ADAMTS4: variants seen among roughly 807,000 people sequenced by gnomAD.
The protein encoded by ADAMTS4 is A disintegrin and metalloproteinase with thrombospondin motifs 4.
In ADAMTS4, 38 loss-of-function variants were observed where a neutral mutation model predicts 66.7. The observed-to-expected ratio is 0.57, with a 90% CI of 0.44 to 0.75. ADAMTS4 has a LOEUF of 0.75. Among genes scored for constraint, ADAMTS4 ranks in the 30% least tolerant of loss-of-function variants. The pLI is 0.00. For synonymous variants in ADAMTS4, 418 were observed against 461.5 expected, an observed-to-expected ratio of 0.91 and a Z score of 1.21; for missense variants, 1,014 against 1,116.7, an observed-to-expected ratio of 0.91 and a Z score of 1.31.
chr1:161,198,509 A>G lies in ADAMTS4; in HGVS notation c.119T>C (p.Leu40Pro). ...PLSWLVWLLLLLLASLLPSAR... is the reference protein window; with the variant it reads ...PLSWLVWLLLPLLASLLPSAR... ...TGAGGGCAGGAGAGAGGCCAGCAGT[A>G]GCAGAAGCAGCCACACCAGCCAGGA... The change falls in exon 1 of 9, where the codon CTA (leucine) becomes CCA (proline). Residue 40 changes from leucine (L) to proline (P), a missense_variant. Physicochemically the swap from Leu to Pro is moderately conservative, Grantham distance 98. Transcript: ENST00000367996. The surrounding 1 kb of genome is among the most constrained non-coding windows in gnomAD (Gnocchi z 4.7). 6.4e-7 allele frequency: 1 copy of G among 1,566,250 alleles called. No individual in the cohort carries two copies. Among genetic ancestry groups the G allele is most frequent in the Non-Finnish European group, 8.7e-7 (1 of 1,155,958 alleles).
chr1:161,193,669 C>G lies in ADAMTS4; in HGVS notation c.1706G>C (p.Cys569Ser), dbSNP rs1272676091. 1 of 1,613,018 alleles carries G rather than the reference C, an allele frequency of 6.2e-7. No homozygotes were observed. The highest frequency in any genetic ancestry group is 8.5e-7 in the Non-Finnish European group (1 of 1,179,432). ...CEGRRTRFRS[C>S]NTEDCPTGSA... is the part of the protein sequence containing the mutation. Reference sequence around the variant, plus strand: ...GCCAGTTGGGCAGTCCTCAGTGTTGCAGGAGCGGAAGCGGGTACGGCGGCC... The same window carrying G: ...GCCAGTTGGGCAGTCCTCAGTGTTGGAGGAGCGGAAGCGGGTACGGCGGCC... The change falls in exon 6 of 9, where the codon TGC becomes TCC. Residue 569 changes from cysteine to serine, a missense_variant. Cys to Ser is a moderately radical substitution (Grantham distance 112). Coordinates refer to ENST00000367996, the MANE Select transcript of ADAMTS4 (RefSeq NM_005099.6). The surrounding 1 kb of genome is among the most constrained non-coding windows in gnomAD (Gnocchi z 4.4).
Position 161,194,777 on chromosome 1 carries a change from T to G in ADAMTS4, c.1262-556A>C, listed in dbSNP as rs931590463. The stretch of plus-strand genomic sequence containing the variant: ...TAAATGCTTGACCAGCACTATTTAA[T>G]CATGGCAAATACCTATGAGATAGGT... On this transcript the variant is annotated intron_variant, in intron 4 of 8. Transcript: ENST00000367996. This position sits in a 1 kb window ranked among gnomAD's most constrained non-coding sequence, Gnocchi z 4.1. Among the ~76,000 whole-genome samples the G allele has an allele frequency of 2.6e-5, 4 of 152,244 alleles. No homozygotes were observed. The highest frequency in any genetic ancestry group is 9.6e-5 in the African/African-American group (4 of 41,458).
rs1276173495 is a variant in ADAMTS4 at position 161,194,605 on chromosome 1, TCTCAAA to T, written c.1262-390_1262-385del. 1.3e-5 allele frequency among the ~76,000 whole-genome samples: 2 copies of T among 152,116 alleles called. No homozygotes were observed. The highest frequency in any genetic ancestry group is 2.9e-5 in the Non-Finnish European group (2 of 68,016). ...GGTCTTGCTATGTTGTCCAGGCTAA[TCTCAAA>T]CTCCTGGTCTCAAGCAATCCTCCCA... On this transcript the variant is annotated intron_variant, in intron 4 of 8. Transcript: ENST00000367996. This position sits in a 1 kb window ranked among gnomAD's most constrained non-coding sequence, Gnocchi z 4.1.
In ADAMTS4 at chr1:161,191,551, T is replaced by G; in HGVS notation, c.2101A>C (p.Asn701His). ...GCCCCCGCGGGGATAGTGACCACATTGTTGTATCCGTACCTGTGTGGAAGG... is the reference window on the plus strand; with the variant it reads ...GCCCCCGCGGGGATAGTGACCACATGGTTGTATCCGTACCTGTGTGGAAGG... Reference protein sequence around the residue: ...SFRKFRYGYNNVVTIPAGATH... With the variant: ...SFRKFRYGYNHVVTIPAGATH... Residue 701 changes from asparagine to histidine, a missense_variant, in exon 9 of 9, where the codon AAT (asparagine) becomes CAT (histidine). Asn to His is a moderately conservative substitution (Grantham distance 68). Coordinates refer to ENST00000367996, the MANE Select transcript of ADAMTS4 (RefSeq NM_005099.6). The G allele has an allele frequency of 6.2e-7, 1 of 1,610,902 alleles. No individual in the cohort carries two copies. The highest frequency in any genetic ancestry group is 1.1e-5 in the South Asian group (1 of 90,662).
intron 7 of ADAMTS4, 83 bp from the exon 8 acceptor site, chr1:161,192,323 C>A: frequency 7.2e-7 from 1 of 1,393,856 alleles, no homozygotes; most frequent in South Asian, 1.4e-5. Context: ...CATGTCCCAT[C>A]AGGGAAGCAA....
chr1:161,196,951 C>T (rs1664867000), intron 1 of ADAMTS4, 71 bp from the exon 2 acceptor site: 4 of 1,360,482 alleles, frequency 2.9e-6, no homozygotes, highest in Middle Eastern at 2.5e-4. Flanking sequence ...ATTCTCCAAT[C>T]CCTCACTTCC....
In ADAMTS4 at chr1:161,198,802, T is replaced by C. The variant is rs945270252; in HGVS notation, c.-175A>G. 1.7e-6 allele frequency: 1 copy of C among 601,746 alleles called. No homozygotes were observed. Among genetic ancestry groups the C allele is most frequent in the South Asian group, 2.8e-5 (1 of 35,116 alleles). The allele number at this position is 601,746 out of a possible 1,614,324, so 37.3% of individuals were successfully genotyped here. ...AAAGGAAATGGAGAAAACTTAGTCC[T>C]TGGGCTTGGGAGAGGTGCCCAGGGG... On this transcript the variant is annotated 5_prime_UTR_variant, in exon 1 of 9. Coordinates refer to ENST00000367996, the MANE Select transcript of ADAMTS4 (RefSeq NM_005099.6). This position sits in a 1 kb window ranked among gnomAD's most constrained non-coding sequence, Gnocchi z 4.7.
In ADAMTS4 at chr1:161,193,984, G is replaced by A. The variant is rs1424939453; in HGVS notation, c.1499C>T (p.Ala500Val). 2.5e-6 allele frequency: 4 copies of A among 1,609,294 alleles called. No individual in the cohort carries two copies. The highest frequency in any genetic ancestry group is 2.5e-6 in the Non-Finnish European group (3 of 1,176,744). The part of the protein sequence containing the change: ...ADGTPCGPAQ[A>V]CMGGRCLHMD... Reference sequence around the variant, plus strand: ...GTGGAGGCAGCGACCACCCATGCAGGCCTGTGCGGGCCCGCAGGGTGTGCC... The same window carrying A: ...GTGGAGGCAGCGACCACCCATGCAGACCTGTGCGGGCCCGCAGGGTGTGCC... The change falls in exon 5 of 9, where the codon GCC becomes GTC. Residue 500 changes from alanine to valine, a missense_variant. Transcript: ENST00000367996. This position sits in a 1 kb window ranked among gnomAD's most constrained non-coding sequence, Gnocchi z 4.4.
At position 161,194,323 on chromosome 1, in the gene ADAMTS4, A is replaced by T; in HGVS notation, c.1262-102T>A. 9.2e-7 allele frequency: 1 copy of T among 1,090,086 alleles called. No homozygotes were observed. The highest frequency in any genetic ancestry group is 1.3e-6 in the Non-Finnish European group (1 of 755,616). The allele number at this position is 1,090,086 out of a possible 1,614,324, so 67.5% of individuals were successfully genotyped here. ...TCCCTGGGGCCTGATGGAGCCTAGA[A>T]AAACAATCCTAGGACTATAAGAGGA... On this transcript the variant is annotated intron_variant, in intron 4 of 8. Transcript: ENST00000367996. This position sits in a 1 kb window ranked among gnomAD's most constrained non-coding sequence, Gnocchi z 4.1.
intron 7 of ADAMTS4, among the ~76,000 whole-genome samples, chr1:161,192,867 C>G (rs2102012106): frequency 6.6e-6 from 1 of 152,230 alleles, no homozygotes; most frequent in Middle Eastern, 3.4e-3. Context: ...CTGAATGAAA[C>G]CACCACTATA....
At position 161,196,167 on chromosome 1, in the gene ADAMTS4, T is replaced by C. The variant is rs1213200578; in HGVS notation, c.1090+4A>G. The C allele has an allele frequency of 1.3e-6, 2 of 1,594,942 alleles. No individual in the cohort carries two copies. The highest frequency in any genetic ancestry group is 2.7e-5 in the African/African-American group (2 of 74,080). On this transcript the variant is annotated splice_donor_region_variant and intron_variant, in intron 3 of 8. Transcript: ENST00000367996. ...AATACCTTTCTCATCCACCCCTACT[T>C]TACCCAGTTCATGAGCAGCAGTGAA...
In ADAMTS4 at chr1:161,193,724, C is replaced by A. The variant is rs555098078; in HGVS notation, c.1651G>T (p.Val551Phe). The change falls in exon 6 of 9, where the codon GTC becomes TTC. Residue 551 changes from valine to phenylalanine, a missense_variant. Transcript: ENST00000367996. The surrounding 1 kb of genome is among the most constrained non-coding windows in gnomAD (Gnocchi z 4.4). ...CAGTACTTGCCACCATTCCGGGGGA[C>A]AGGCCTCGTGCAGTCTCGGGAGGAG... ...QFSSRDCTRP[V>F]PRNGGKYCEG... The A allele has an allele frequency of 3.1e-6, 5 of 1,614,126 alleles. No individual in the cohort carries two copies. Among genetic ancestry groups the A allele is most frequent in the Non-Finnish European group, 4.2e-6 (5 of 1,180,010 alleles).
chr1:161,191,334 C>G lies in ADAMTS4; in HGVS notation c.2318G>C (p.Gly773Ala), dbSNP rs1384372265. 1 of 1,613,884 alleles carries G rather than the reference C, an allele frequency of 6.2e-7. No homozygotes were observed. The highest frequency in any genetic ancestry group is 1.3e-5 in the African/African-American group (1 of 74,948). ...CAAAGGCTGGGCCAGTGGCCCATGG[C>G]CTGACAGTGTCTCTGAGGCTGCAGT... is the stretch of plus-strand genomic sequence containing the variant. The part of the protein sequence containing the change: ...GATAASETLS[G>A]HGPLAQPLTL... The change falls in exon 9 of 9, where the codon GGC becomes GCC. Residue 773 changes from glycine to alanine, a missense_variant. By Grantham distance (60) the Gly-to-Ala change is moderately conservative. Transcript: ENST00000367996.
In ADAMTS4 at chr1:161,193,904, C is replaced by T; in HGVS notation, c.1548+31G>A. Reference sequence around the variant, plus strand: ...AAGGCCAGTCCCCACACCCCCGGGCCCTTTACCCCACCCCTGCCCTAGGAT... The same window carrying T: ...AAGGCCAGTCCCCACACCCCCGGGCTCTTTACCCCACCCCTGCCCTAGGAT... On this transcript the variant is annotated intron_variant, in intron 5 of 8. Transcript: ENST00000367996. The surrounding 1 kb of genome is among the most constrained non-coding windows in gnomAD (Gnocchi z 4.4). The T allele has an allele frequency of 6.4e-7, 1 of 1,562,882 alleles. No individual in the cohort carries two copies. Among genetic ancestry groups the T allele is most frequent in the East Asian group, 2.3e-5 (1 of 44,380 alleles).
rs563698365 is a variant in ADAMTS4, at chr1:161,192,838, G to C, written c.1911+375C>G. Among the ~76,000 whole-genome samples, 3 of 151,940 alleles carry C rather than the reference G, an allele frequency of 2.0e-5. No individual in the cohort carries two copies. In the South Asian group the frequency reaches 6.2e-4, roughly 32 times the overall value. Reference sequence around the variant, plus strand: ...CATCTCCAGGAGGCCTGTCCATTGAGGGACTGGCTGTCCAGGAGCTGAATG... The same window carrying C: ...CATCTCCAGGAGGCCTGTCCATTGACGGACTGGCTGTCCAGGAGCTGAATG... On this transcript the variant is annotated intron_variant, in intron 7 of 8. Coordinates refer to ENST00000367996, the MANE Select transcript of ADAMTS4 (RefSeq NM_005099.6).
chr1:161,194,428 C>T lies in ADAMTS4; in HGVS notation c.1262-207G>A, dbSNP rs973423965. 7.3e-5 allele frequency among the ~76,000 whole-genome samples: 11 copies of T among 150,036 alleles called. No homozygotes were observed. Among genetic ancestry groups the T allele is most frequent in the Admixed American group, 4.0e-4 (6 of 15,032 alleles). Reference sequence around the variant, plus strand: ...TTCCTGAGACAGAGTCTTGCTCTGTCGCTCAGGCTGCAGTACAGTGGCATG... The same window carrying T: ...TTCCTGAGACAGAGTCTTGCTCTGTTGCTCAGGCTGCAGTACAGTGGCATG... On this transcript the variant is annotated intron_variant, in intron 4 of 8. Coordinates refer to ENST00000367996, the MANE Select transcript of ADAMTS4 (RefSeq NM_005099.6). This position sits in a 1 kb window ranked among gnomAD's most constrained non-coding sequence, Gnocchi z 4.1.
rs1462360396 is a variant in ADAMTS4, at chr1:161,188,896, A to ATATATATATATATATATATAT, written c.*2241_*2242insATATATATATATATATATATA. On this transcript the variant is annotated 3_prime_UTR_variant, in exon 9 of 9. Transcript: ENST00000367996. ...CCATGCCCGGCTAATATATATATAT[A>ATATATATATATATATATATAT]TATATATATATATTTTGTATTTTTA... 1.3e-3 allele frequency: 173 copies of ATATATATATATATATATATAT among 128,602 alleles called. 1 individual carries two copies. The highest frequency in any genetic ancestry group is 4.8e-3 in the African/African-American group (166 of 34,864). The allele number at this position is 128,602 out of a possible 1,614,324, so 8.0% of individuals were successfully genotyped here.
Position 161,198,470 on chromosome 1 carries a change from C to G in ADAMTS4, c.158G>C (p.Ser53Thr), listed in dbSNP as rs935455809. 1 of 1,570,050 alleles carries G rather than the reference C, an allele frequency of 6.4e-7. No individual in the cohort carries two copies. The highest frequency in any genetic ancestry group is 2.4e-5 in the East Asian group (1 of 42,088). ...GATCTCCTCCTCCCGGGGGAGGGGG[C>G]TGGCCAGCCGGGCTGAGGGCAGGAG... ...ASLLPSARLA[S>T]PLPREEEIVF... is the part of the protein sequence containing the mutation. Residue 53 changes from serine to threonine, a missense_variant, in exon 1 of 9, where the codon AGC (serine) becomes ACC (threonine). Physicochemically the swap from Ser to Thr is moderately conservative, Grantham distance 58. Coordinates refer to ENST00000367996, the MANE Select transcript of ADAMTS4 (RefSeq NM_005099.6). The surrounding 1 kb of genome is among the most constrained non-coding windows in gnomAD (Gnocchi z 4.7).
chr1:161,196,505 C>T (rs752790402), intron 2 of ADAMTS4, 52 bp downstream of exon 2: 10 of 1,576,346 alleles, frequency 6.3e-6, no homozygotes, highest in African/African-American at 5.4e-5. Flanking sequence ...TATGTAGTGG[C>T]GCTTCTTAGA....
Sources: allele counts gnomAD v4.1 joint callset (sites outside exome capture counted in the v4.1 genomes callset), GRCh38; gene constraint gnomAD v4.1.1; non-coding constraint Gnocchi (gnomAD v3.1); transcripts MANE v1.5; gene names NCBI Gene and HGNC (gene_info 2026-07-23, HGNC 2026-07-21).